MED19: variants seen among roughly 807,000 people sequenced by gnomAD.
MED19 encodes mediator of RNA polymerase II transcription subunit 19.
A neutral mutation model predicts 19.9 loss-of-function variants in MED19; 4 were observed. The ratio of observed to expected loss-of-function variants is 0.20; its 90% CI spans 0.10 to 0.46. The LOEUF (loss-of-function observed/expected upper bound fraction) is 0.46, where lower values mean the gene tolerates loss of function less well. Among genes scored for constraint, MED19 ranks in the 20% least tolerant of loss-of-function variants. The pLI, the probability that MED19 is intolerant of heterozygous loss-of-function variation, is 0.99. For synonymous variants in MED19, 139 were observed against 119.6 expected (o/e 1.16, Z -1.06); for missense variants, 303 against 318.7 (o/e 0.95, Z 0.38).
At chr11:57,706,185 G>A (rs1162820200) in intron 1 of MED19, among the ~76,000 whole-genome samples, 7 of 151,996 alleles carry the variant, frequency 4.6e-5, no homozygotes, top group Non-Finnish European at 1.0e-4. Flanking sequence ...TTGCTCTGTC[G>A]CCTAGGCTGG....
At chr11:57,712,064 C>T (rs1280173312) in exon 1 of MED19, 11 of 1,531,320 alleles carry the variant, frequency 7.2e-6, no homozygotes, top group South Asian at 1.2e-5. Context: ...CGTGCCGGGT[C>T]CCCCGCCCGC....
At chr11:57,707,695 G>A (rs1034810671) in intron 1 of MED19, among the ~76,000 whole-genome samples, 12 of 152,158 alleles carry the variant, frequency 7.9e-5, no homozygotes, top group African/African-American at 2.9e-4. Context: ...ACAATCTTCT[G>A]AATTTCCCCT....
chr11:57,710,700 A>AT (rs548949933), intron 1 of MED19, among the ~76,000 whole-genome samples: 56 of 146,042 alleles, frequency 3.8e-4, no homozygotes, highest in South Asian at 1.3e-3. Flanking sequence ...CTGCCCCTCA[A>AT]TTTTTTTTTT....
chr11:57,709,841 G>A (rs746295389), intron 1 of MED19, among the ~76,000 whole-genome samples: 6 of 152,148 alleles, frequency 3.9e-5, no homozygotes, highest in Non-Finnish European at 8.8e-5. Flanking sequence ...GATTACTGGC[G>A]TGAGCCACAG....
intron 1 of MED19, among the ~76,000 whole-genome samples, chr11:57,709,807 C>T (rs543157536): frequency 6.6e-6 from 1 of 152,302 alleles, no homozygotes; most frequent in Admixed American, 6.5e-5. Flanking sequence ...GCAATCCTCC[C>T]ACCTCAGCCT....
At chr11:57,712,131 G>A in exon 1 of MED19, 1 of 1,530,522 alleles carries the variant, frequency 6.5e-7, no homozygotes, top group Non-Finnish European at 8.8e-7. Context: ...GCGGTTGGGG[G>A]CGGTGGTGGG....
intron 1 of MED19, among the ~76,000 whole-genome samples, chr11:57,709,365 G>A (rs1281477082): frequency 1.4e-3 from 209 of 147,462 alleles, no homozygotes; most frequent in African/African-American, 4.9e-3. Context: ...TGGGCAACAA[G>A]AGCAAAACTC....
chr11:57,703,767 TCAGA>T (rs1946475850), exon 5 of MED19: 2 of 412,934 alleles, frequency 4.8e-6, no homozygotes, highest in South Asian at 6.3e-5. Context: ...AAGTCCTAAA[TCAGA>T]CAAATTGCAC....
At chr11:57,704,548 C>T in intron 3 of MED19, 152 bp from the exon 4 acceptor site, 1 of 1,585,488 alleles carries the variant, frequency 6.3e-7, no homozygotes, top group Non-Finnish European at 8.5e-7. Flanking sequence ...AGTCCCTGTC[C>T]CAAGTCCCAA....
chr11:57,704,669 G>A, intron 3 of MED19, 50 bp downstream of exon 3: 1 of 1,286,328 alleles, frequency 7.8e-7, no homozygotes, highest in Non-Finnish European at 1.0e-6. Context: ...AGAAGGTCAG[G>A]TTTTTTTTTT....
At chr11:57,710,931 G>A (rs758721640) in intron 1 of MED19, among the ~76,000 whole-genome samples, 1 of 152,180 alleles carries the variant, frequency 6.6e-6, no homozygotes, top group Non-Finnish European at 1.5e-5. Flanking sequence ...CTGGGCTCAA[G>A]GGATTCTGCC....
chr11:57,711,986 A>T, exon 1 of MED19: 1 of 1,488,698 alleles, frequency 6.7e-7, no homozygotes, highest in Non-Finnish European at 9.0e-7. Flanking sequence ...CATGAGGTAA[A>T]AAGGGCCACA....
At chr11:57,711,379 C>G (rs936237271) in intron 1 of MED19, among the ~76,000 whole-genome samples, 1 of 151,988 alleles carries the variant, frequency 6.6e-6, no homozygotes, top group Non-Finnish European at 1.5e-5. Flanking sequence ...TGTTTTGAGA[C>G]GGAGTCTCGT....
At chr11:57,708,922 T>C (rs913553716) in intron 1 of MED19, among the ~76,000 whole-genome samples, 2 of 152,190 alleles carry the variant, frequency 1.3e-5, no homozygotes, top group Non-Finnish European at 2.9e-5. Flanking sequence ...TTTTTTCAAT[T>C]ATAAAATGTA....
At chr11:57,703,953 G>A (rs1946477948) in exon 5 of MED19, 2 of 1,508,526 alleles carry the variant, frequency 1.3e-6, no homozygotes, top group Non-Finnish European at 1.8e-6. Context: ...TCCCAAGGCA[G>A]TGTCCAAGAG....
chr11:57,711,571 C>G (rs1195741327), intron 1 of MED19, among the ~76,000 whole-genome samples: 1 of 152,004 alleles, frequency 6.6e-6, no homozygotes, highest in Non-Finnish European at 1.5e-5. Context: ...CCAGGCCGGT[C>G]TCGAACTCCT....
chr11:57,710,690 C>G (rs1276749350), intron 1 of MED19, among the ~76,000 whole-genome samples: 2 of 151,980 alleles, frequency 1.3e-5, no homozygotes, highest in Non-Finnish European at 2.9e-5. Context: ...TAAAGTAGTT[C>G]TGCCCCTCAA....
At chr11:57,703,883 A>T in exon 5 of MED19, 2 of 1,182,118 alleles carry the variant, frequency 1.7e-6, no homozygotes, top group Non-Finnish European at 2.3e-6. Context: ...TCTCTCTCCT[A>T]ATTTACTTAG....
intron 1 of MED19, among the ~76,000 whole-genome samples, chr11:57,707,418 T>C (rs1295706555): frequency 1.3e-5 from 2 of 152,198 alleles, no homozygotes; most frequent in Non-Finnish European, 2.9e-5. Flanking sequence ...TTGGGAAAAC[T>C]GAGGTACTGA....
Sources: gnomAD v4.1 joint callset for allele counts (sites outside exome capture counted in the v4.1 genomes callset) on GRCh38, gnomAD v4.1.1 for gene constraint, MANE v1.5 for transcripts, NCBI Gene and HGNC (gene_info 2026-07-23, HGNC 2026-07-21) for gene names.